The following CACNA1C variants were observed in gnomAD, a reference collection of about 807,000 sequenced individuals.
CACNA1C encodes voltage-dependent L-type calcium channel subunit alpha-1C.
A neutral mutation model predicts 229.0 loss-of-function variants in CACNA1C; 30 were observed. The observed-to-expected ratio is 0.13, with a 90% CI of 0.10 to 0.18. The LOEUF (loss-of-function observed/expected upper bound fraction) is 0.18, where lower values mean the gene tolerates loss of function less well. Among genes scored for constraint, CACNA1C ranks in the 10% least tolerant of loss-of-function variants. The pLI, the probability that CACNA1C is intolerant of heterozygous loss-of-function variation, is 1.00. For missense variants in CACNA1C, 1,658 were observed against 2,845.0 expected, an observed-to-expected ratio of 0.58 and a Z score of 9.49; for synonymous variants, 1,114 against 1,132.5, an observed-to-expected ratio of 0.98 and a Z score of 0.33.
intron 42 of CACNA1C, 95 bp from the exon 43 acceptor site, chr12:2,682,455 C>T: frequency 6.9e-7 from 1 of 1,448,262 alleles, no homozygotes; most frequent in Non-Finnish European, 9.4e-7. Flanking sequence ...CGTGTGTACA[C>T]CTGCATGTGT....
intron 3 of CACNA1C, among the ~76,000 whole-genome samples, chr12:2,139,017 G>C (rs964925747): frequency 7.0e-4 from 105 of 150,652 alleles, no homozygotes; most frequent in African/African-American, 2.4e-3. Flanking sequence ...GTCTCTCAGT[G>C]TGTTTGTTTT....
At chr12:2,042,771 T>C (rs1393702887) in intron 1 of CACNA1C, among the ~76,000 whole-genome samples, 8 of 152,176 alleles carry the variant, frequency 5.3e-5, no homozygotes, top group African/African-American at 1.4e-4. Context: ...TGAGCACATA[T>C]GAAAGTTGAG....
At chr12:2,496,393 G>T (rs985362900) in intron 7 of CACNA1C, among the ~76,000 whole-genome samples, 6 of 152,160 alleles carry the variant, frequency 3.9e-5, no homozygotes, top group African/African-American at 7.2e-5. Flanking sequence ...TTCAAATATA[G>T]TAATGCATGG....
At chr12:2,473,929 C>T (rs1015139003) in intron 5 of CACNA1C, among the ~76,000 whole-genome samples, 12 of 152,012 alleles carry the variant, frequency 7.9e-5, no homozygotes, top group African/African-American at 2.9e-4. Flanking sequence ...TAGCTTATGG[C>T]GTAGAGTTAC....
In CACNA1C at chr12:2,441,668, C is replaced by T. The variant is rs549197924; in HGVS notation, c.478-7308C>T. 2.7e-4 allele frequency among the ~76,000 whole-genome samples: 41 copies of T among 152,220 alleles called. No individual in the cohort carries two copies. The South Asian group carries it at 8.5e-3, about 32-fold the overall frequency. ...GCTTTGGAAGTGGTATTCAAAGTTC[C>T]AAGAAAAACGAAAAAAACACTGATC... On this transcript the variant is annotated intron_variant, in intron 3 of 46. Coordinates refer to ENST00000399655, the MANE Select transcript of CACNA1C (RefSeq NM_000719.7).
intron 3 of CACNA1C, among the ~76,000 whole-genome samples, chr12:2,308,977 A>G (rs1156293781): frequency 1.3e-5 from 2 of 152,182 alleles, no homozygotes; most frequent in African/African-American, 4.8e-5. Flanking sequence ...AGGATCCAGA[A>G]AGTCCACTTC....
At chr12:1,999,067 T>C (rs1241119723) in intron 1 of CACNA1C, among the ~76,000 whole-genome samples, 2 of 152,234 alleles carry the variant, frequency 1.3e-5, no homozygotes, top group Admixed American at 1.3e-4. Flanking sequence ...CAAAGTGTTA[T>C]CCCCAGATCA....
intron 3 of CACNA1C, among the ~76,000 whole-genome samples, chr12:2,142,711 G>A (rs777514270): frequency 6.6e-6 from 1 of 151,126 alleles, no homozygotes; most frequent in Non-Finnish European, 1.5e-5. Context: ...TGATATCGAC[G>A]ATCCTGGCCT....
intron 10 of CACNA1C, among the ~76,000 whole-genome samples, chr12:2,556,244 C>A (rs887333): frequency 0.94 from 143,609 of 152,064 alleles, 68,025 homozygotes; most frequent in Non-Finnish European, 0.99. Flanking sequence ...CCCTACATGA[C>A]CTAGGGAGCC....
rs201756421 is a variant in CACNA1C at position 2,486,257 on chromosome 12, T to C, written c.911T>C (p.Ile304Thr). 9.5e-4 allele frequency: 1,538 copies of C among 1,612,986 alleles called. 1 individual carries two copies. The highest frequency in any genetic ancestry group is 1.2e-3 in the Non-Finnish European group (1,396 of 1,179,296). Residue 304 changes from isoleucine to threonine, a missense_variant, in exon 6 of 47, where the codon ATA (isoleucine) becomes ACA (threonine). This residue lies in a region of CACNA1C where 84 missense variants were observed against 202.6 expected (regional missense o/e 0.41). Transcript: ENST00000399655. The surrounding 1 kb of genome is among the most constrained non-coding windows in gnomAD (Gnocchi z 4.9). ...MHKTCYNQEG[I>T]ADVPAEDDPS... ...AAGACCTGCTACAACCAGGAGGGCA[T>C]AGCAGGTAAGAGGGGCAGGCGGCTG...
intron 3 of CACNA1C, among the ~76,000 whole-genome samples, chr12:2,234,179 T>G (rs114580194): frequency 6.6e-6 from 1 of 152,196 alleles, no homozygotes; most frequent in Non-Finnish European, 1.5e-5. Context: ...AAGTGTCCCG[T>G]GTCTCCTTTT....
intron 1 of CACNA1C, among the ~76,000 whole-genome samples, chr12:1,980,317 A>G (rs546977210): frequency 2.4e-3 from 367 of 152,348 alleles, no homozygotes; most frequent in Middle Eastern, 0.014. Context: ...CATTCACTTC[A>G]AAGTACCTGA....
rs538669870 is a variant in CACNA1C, at chr12:2,447,634, C to T, written c.478-1342C>T. 3.3e-5 allele frequency among the ~76,000 whole-genome samples: 5 copies of T among 152,202 alleles called. No individual in the cohort carries two copies. In the South Asian group the frequency reaches 6.2e-4, roughly 19 times the overall value. On this transcript the variant is annotated intron_variant, in intron 3 of 46. Transcript: ENST00000399655. ...GATTGTGATGGAATGAATGGGAGCCCAGGGTACTGATATGGCCTGATGGCT... is the reference window on the plus strand; with the variant it reads ...GATTGTGATGGAATGAATGGGAGCCTAGGGTACTGATATGGCCTGATGGCT...
chr12:2,476,966 A>G (rs559301703), intron 5 of CACNA1C, among the ~76,000 whole-genome samples: 23 of 152,372 alleles, frequency 1.5e-4, no homozygotes, highest in African/African-American at 4.6e-4. Context: ...AAGAAAATGC[A>G]TTAGTCACTT....
chr12:2,454,600 A>C (rs1026764681), intron 4 of CACNA1C, among the ~76,000 whole-genome samples: 1 of 152,112 alleles, frequency 6.6e-6, no homozygotes, highest in Non-Finnish European at 1.5e-5. Context: ...ATCAAGTCCA[A>C]CCAGAGATCT....
At position 2,093,401 on chromosome 12, in the gene CACNA1C, A is replaced by G. The variant is rs558664604; in HGVS notation, c.50-21823A>G. Among the ~76,000 whole-genome samples, 5 of 152,292 alleles carry G rather than the reference A, an allele frequency of 3.3e-5. No homozygotes were observed. In the South Asian group the frequency reaches 1.0e-3, roughly 32 times the overall value. ...AGGCCACATAGTGGAATGAGACAGG[A>G]CTCTGCTCTCAGGGTTATGTTGGAG... On this transcript the variant is annotated intron_variant, in intron 1 of 46. Coordinates refer to ENST00000399655, the MANE Select transcript of CACNA1C (RefSeq NM_000719.7).
At chr12:2,191,937 T>C (rs2097242539) in intron 3 of CACNA1C, among the ~76,000 whole-genome samples, 1 of 130,030 alleles carries the variant, frequency 7.7e-6, no homozygotes, top group Admixed American at 7.9e-5. Context: ...CACCTACACA[T>C]GGACACTCAT....
chr12:2,635,066 G>A (rs11062289), intron 30 of CACNA1C, among the ~76,000 whole-genome samples: 93 of 152,276 alleles, frequency 6.1e-4, no homozygotes, highest in East Asian at 5.6e-3. Context: ...GGTGGGTGAC[G>A]TACTGAGAGC....
intron 2 of CACNA1C, among the ~76,000 whole-genome samples, chr12:2,115,793 GTTTTTGT>G (rs1415468596): frequency 1.3e-5 from 2 of 152,264 alleles, no homozygotes; most frequent in African/African-American, 4.8e-5. Context: ...CCTGGGTTGG[GTTTTTGT>G]TTTTTGTTTT....
Sources: allele counts gnomAD v4.1 joint callset (sites outside exome capture counted in the v4.1 genomes callset), GRCh38; gene constraint gnomAD v4.1.1; regional missense constraint gnomAD v4.1.1; non-coding constraint Gnocchi (gnomAD v3.1); transcripts MANE v1.5; gene names NCBI Gene and HGNC (gene_info 2026-07-23, HGNC 2026-07-21).